SLC26A7: variants seen among roughly 807,000 people sequenced by gnomAD.
SLC26A7 encodes solute carrier family 26 member 7, also known as anion exchange transporter.
SLC26A7 carries 59 observed loss-of-function variants against 82.5 expected under a neutral mutation model. The ratio of observed to expected loss-of-function variants is 0.72; its 90% confidence interval spans 0.58 to 0.89. The LOEUF is 0.89. Among genes scored for constraint, SLC26A7 ranks in the 40% least tolerant of loss-of-function variants. The probability of loss-of-function intolerance (pLI) is 0.00; values close to 1 mark genes in which losing one functional copy is unlikely to be tolerated. For missense variants in SLC26A7, 820 were observed against 793.0 expected (o/e 1.03, Z -0.41); for synonymous variants, 271 against 274.3 (o/e 0.99, Z 0.12).
chr8:91,280,322 C>T (rs192963996), intron 2 of SLC26A7, among the ~76,000 whole-genome samples: 12 of 152,170 alleles, frequency 7.9e-5, no homozygotes, highest in African/African-American at 2.7e-4. Context: ...TTAGGACTTA[C>T]GAGACCTGGA....
chr8:91,290,831 T>C (rs772294481), intron 3 of SLC26A7, among the ~76,000 whole-genome samples: 1 of 152,218 alleles, frequency 6.6e-6, no homozygotes, highest in Non-Finnish European at 1.5e-5. Context: ...GATTTGGCTT[T>C]TTAAATCAAT....
At chr8:91,220,485 A>G (rs1172192621) in intron 2 of SLC26A7, among the ~76,000 whole-genome samples, 1 of 151,086 alleles carries the variant, frequency 6.6e-6, no homozygotes, top group Non-Finnish European at 1.5e-5. Context: ...GATCCATCCT[A>G]TAAGTCCCCT....
rs570587221 is a variant in SLC26A7 at position 91,277,630 on chromosome 8, A to G, written c.194-11506A>G. 3.3e-5 allele frequency among the ~76,000 whole-genome samples: 5 copies of G among 152,260 alleles called. No homozygotes were observed. In the South Asian group the frequency reaches 1.0e-3, roughly 32 times the overall value. ...CTCATAATATGGCCCTATAACCAGA[A>G]CATTATCAATAAACTTGTTAATGTC... On this transcript the variant is annotated intron_variant, in intron 2 of 18. Coordinates refer to ENST00000276609, the MANE Select transcript of SLC26A7 (RefSeq NM_052832.4).
chr8:91,234,827 A>ACCTC (rs1386380375), intron 2 of SLC26A7, among the ~76,000 whole-genome samples: 21 of 92,536 alleles, frequency 2.3e-4, no homozygotes, highest in South Asian at 8.3e-4. Flanking sequence ...CTACCTACCT[A>ACCTC]CTTCCTTCCT....
intron 2 of SLC26A7, among the ~76,000 whole-genome samples, chr8:91,279,511 A>T (rs1337217892): frequency 6.6e-6 from 1 of 152,020 alleles, no homozygotes; most frequent in Non-Finnish European, 1.5e-5. Flanking sequence ...GCTATATCAC[A>T]TTGTGGTTTT....
chr8:91,369,532 T>C (rs1157368228), intron 14 of SLC26A7, among the ~76,000 whole-genome samples: 1 of 152,152 alleles, frequency 6.6e-6, no homozygotes, highest in Non-Finnish European at 1.5e-5. Flanking sequence ...ACAAACTTAG[T>C]TTTGCAGAAA....
In SLC26A7 at chr8:91,363,539, G is replaced by A. The variant is rs1033073324; in HGVS notation, c.1488+1G>A. On this transcript the variant is annotated splice_donor_variant, in intron 13 of 18. Coordinates refer to ENST00000276609, the MANE Select transcript of SLC26A7 (RefSeq NM_052832.4). LOFTEE classifies it high-confidence loss of function. Reference sequence around the variant, plus strand: ...TAAAGTGAAGACAGAAATGGACAGTGTAAGTTTAGTTTTATTTTTCCTTTA... The same window carrying A: ...TAAAGTGAAGACAGAAATGGACAGTATAAGTTTAGTTTTATTTTTCCTTTA... The A allele has an allele frequency of 2.7e-6, 4 of 1,461,510 alleles. No individual in the cohort carries two copies. Among genetic ancestry groups the A allele is most frequent in the Non-Finnish European group, 3.7e-6 (4 of 1,068,036 alleles). 90.5% of individuals were successfully genotyped at this position (1,461,510 alleles called of 1,614,324 possible). A position where few individuals can be genotyped will look rare whatever the true frequency, so the allele number is the denominator to read the frequency against.
chr8:91,339,229 T>C (rs998118630), intron 7 of SLC26A7, among the ~76,000 whole-genome samples: 1 of 152,144 alleles, frequency 6.6e-6, no homozygotes, highest in Non-Finnish European at 1.5e-5. Context: ...CATAATAACC[T>C]GTAATGATAC....
At chr8:91,310,284 G>T (rs916761930) in intron 4 of SLC26A7, among the ~76,000 whole-genome samples, 1 of 152,144 alleles carries the variant, frequency 6.6e-6, no homozygotes, top group Non-Finnish European at 1.5e-5. Context: ...ATGGAGAAAA[G>T]TCCGGTGGTT....
chr8:91,383,151 T>G (rs898673800), intron 15 of SLC26A7, among the ~76,000 whole-genome samples: 1 of 152,172 alleles, frequency 6.6e-6, no homozygotes, highest in African/African-American at 2.4e-5. Context: ...TCCTCTTCTT[T>G]GGTCACCAGG....
rs542741075 is a variant in SLC26A7 at position 91,282,322 on chromosome 8, C to T, written c.194-6814C>T. 3.3e-5 allele frequency among the ~76,000 whole-genome samples: 5 copies of T among 152,240 alleles called. No individual in the cohort carries two copies. In the South Asian group the frequency reaches 8.3e-4, roughly 25 times the overall value. The stretch of plus-strand genomic sequence containing the variant: ...GGCTTCTCTGACTACGGAATTTCTA[C>T]GTGTTGCTGCAGTTCTTCTCTAGAG... On this transcript the variant is annotated intron_variant, in intron 2 of 18. Coordinates refer to ENST00000276609, the MANE Select transcript of SLC26A7 (RefSeq NM_052832.4).
At chr8:91,305,510 C>G (rs1005164689) in intron 4 of SLC26A7, among the ~76,000 whole-genome samples, 2 of 152,046 alleles carry the variant, frequency 1.3e-5, no homozygotes, top group African/African-American at 4.8e-5. Flanking sequence ...TCCAATCATC[C>G]GACTGTATGA....
intron 4 of SLC26A7, among the ~76,000 whole-genome samples, chr8:91,299,394 AT>A (rs1383549111): frequency 3.3e-5 from 5 of 150,066 alleles, no homozygotes; most frequent in Non-Finnish European, 5.9e-5. Flanking sequence ...AAGTCACCAT[AT>A]TTTTTTTCTA....
intron 7 of SLC26A7, 33 bp downstream of exon 7, chr8:91,338,265 G>C (rs1283668110): frequency 1.3e-6 from 2 of 1,499,730 alleles, no homozygotes; most frequent in Non-Finnish European, 1.8e-6. Flanking sequence ...CATATTATTT[G>C]TTTGTTTGTT....
rs542052144 is a variant in SLC26A7 at position 91,336,604 on chromosome 8, A to G, written c.796-1546A>G. Among the ~76,000 whole-genome samples, 8 of 152,138 alleles carry G rather than the reference A, an allele frequency of 5.3e-5. 2 individuals are homozygous for G. Among genetic ancestry groups the G allele is most frequent in the African/African-American group, 1.9e-4 (8 of 41,510 alleles). On this transcript the variant is annotated intron_variant, in intron 6 of 18. Transcript: ENST00000276609. ...AGGTTGGGGACTGCTGCTCTAAAGCACTAGTCACACCTGGGGTGCAATCCC... is the reference window on the plus strand; with the variant it reads ...AGGTTGGGGACTGCTGCTCTAAAGCGCTAGTCACACCTGGGGTGCAATCCC...
At chr8:91,251,193 G>C (rs1160628958) in intron 2 of SLC26A7, among the ~76,000 whole-genome samples, 3 of 152,178 alleles carry the variant, frequency 2.0e-5, no homozygotes, top group East Asian at 3.9e-4. Flanking sequence ...TTGAGGATAA[G>C]ATAAAGTTAT....
intron 2 of SLC26A7, among the ~76,000 whole-genome samples, chr8:91,253,434 A>G (rs138939505): frequency 6.6e-6 from 1 of 152,182 alleles, no homozygotes; most frequent in Non-Finnish European, 1.5e-5. Context: ...TGTCTGAACT[A>G]TTGAAGTCAT....
intron 3 of SLC26A7, among the ~76,000 whole-genome samples, chr8:91,290,570 T>C (rs536362405): frequency 9.6e-4 from 146 of 152,320 alleles, no homozygotes; most frequent in African/African-American, 3.2e-3. Flanking sequence ...ATCTTTTGCC[T>C]CCATTTTCCA....
chr8:91,333,651 A>C (rs1454678875), intron 5 of SLC26A7, among the ~76,000 whole-genome samples: 1 of 152,134 alleles, frequency 6.6e-6, no homozygotes, highest in Non-Finnish European at 1.5e-5. Context: ...CACTGCTTGC[A>C]TTAATGTATT....
Sources: gnomAD v4.1 joint callset for allele counts (sites outside exome capture counted in the v4.1 genomes callset) on GRCh38, gnomAD v4.1.1 for gene constraint, MANE v1.5 for transcripts, NCBI Gene and HGNC (gene_info 2026-07-23, HGNC 2026-07-21) for gene names.